The following TWSG1 variants were observed in gnomAD, a reference collection of about 807,000 sequenced individuals.
TWSG1 encodes twisted gastrulation BMP signaling modulator 1.
In TWSG1, 15 loss-of-function variants were observed where a neutral mutation model predicts 23.0. The ratio of observed to expected loss-of-function variants is 0.65; its 90% confidence interval spans 0.44 to 1.00. The LOEUF (loss-of-function observed/expected upper bound fraction) is 1.00, where lower values mean the gene tolerates loss of function less well. TWSG1 is among the 50% of genes least tolerant of loss of function. TWSG1 has a pLI of 0.00. For missense variants in TWSG1, 242 were observed against 278.7 expected, an observed-to-expected ratio of 0.87 and a Z score of 0.94; for synonymous variants, 86 against 92.8, an observed-to-expected ratio of 0.93 and a Z score of 0.42.
At chr18:9,393,358 G>C (rs760790907) in intron 3 of TWSG1, among the ~76,000 whole-genome samples, 1 of 152,212 alleles carries the variant, frequency 6.6e-6, no homozygotes, top group Admixed American at 6.5e-5. Context: ...TAGCTCCCAA[G>C]TCTGCCTTTG....
intron 2 of TWSG1, among the ~76,000 whole-genome samples, chr18:9,337,865 G>C (rs2040429792): frequency 6.6e-6 from 1 of 152,180 alleles, no homozygotes; most frequent in Non-Finnish European, 1.5e-5. Flanking sequence ...CTGTGGCTTA[G>C]GGTCTCCCAC....
In TWSG1 at chr18:9,396,562, T is replaced by C; in HGVS notation, c.490+16T>C. 6.2e-7 allele frequency: 1 copy of C among 1,605,776 alleles called. No homozygotes were observed. The highest frequency in any genetic ancestry group is 8.5e-7 in the Non-Finnish European group (1 of 1,178,454). Reference sequence around the variant, plus strand: ...AGTGACAAAGGTAACTGCCAACAGTTGACTTTTTCCATTCCGCCCCCTCAT... The same window carrying C: ...AGTGACAAAGGTAACTGCCAACAGTCGACTTTTTCCATTCCGCCCCCTCAT... On this transcript the variant is annotated intron_variant, in intron 4 of 4. Coordinates refer to ENST00000262120, the MANE Select transcript of TWSG1 (RefSeq NM_020648.6).
At chr18:9,376,365 G>A (rs1343982314) in intron 3 of TWSG1, among the ~76,000 whole-genome samples, 1 of 152,194 alleles carries the variant, frequency 6.6e-6, no homozygotes, top group Non-Finnish European at 1.5e-5. Flanking sequence ...TTGGAGGACT[G>A]ATACTACTGG....
intron 3 of TWSG1, among the ~76,000 whole-genome samples, chr18:9,386,670 G>A (rs1455524174): frequency 6.6e-6 from 1 of 152,086 alleles, no homozygotes; most frequent in African/African-American, 2.4e-5. Flanking sequence ...GAGTCCTTAG[G>A]TTGAAAGAGC....
intron 2 of TWSG1, among the ~76,000 whole-genome samples, chr18:9,342,595 C>G (rs979950037): frequency 6.6e-6 from 1 of 151,982 alleles, no homozygotes; most frequent in African/African-American, 2.4e-5. Context: ...TCATTAGCAC[C>G]TTATATTGTT....
At chr18:9,363,189 T>C (rs1311451636) in intron 3 of TWSG1, among the ~76,000 whole-genome samples, 1 of 152,204 alleles carries the variant, frequency 6.6e-6, no homozygotes, top group Non-Finnish European at 1.5e-5. Context: ...GTGGCTCCCT[T>C]GTATAAGAGC....
intron 2 of TWSG1, among the ~76,000 whole-genome samples, chr18:9,347,261 G>C (rs1209812543): frequency 6.6e-6 from 1 of 152,150 alleles, no homozygotes; most frequent in Non-Finnish European, 1.5e-5. Context: ...TTTTCTCCTA[G>C]TCTATGGCTT....
intron 2 of TWSG1, among the ~76,000 whole-genome samples, chr18:9,340,653 G>A (rs765874104): frequency 1.3e-5 from 2 of 152,132 alleles, no homozygotes; most frequent in South Asian, 4.1e-4. Flanking sequence ...AGGGCTCTGC[G>A]GAAGAGTTCA....
At chr18:9,395,364 A>G (rs940831374) in intron 3 of TWSG1, among the ~76,000 whole-genome samples, 3 of 152,228 alleles carry the variant, frequency 2.0e-5, no homozygotes, top group Non-Finnish European at 2.9e-5. Context: ...ATACATCAGT[A>G]TATTCTTATC....
chr18:9,365,410 C>T (rs1332214477), intron 3 of TWSG1, among the ~76,000 whole-genome samples: 9 of 152,150 alleles, frequency 5.9e-5, no homozygotes, highest in East Asian at 3.8e-4. Context: ...CGCAGTTGCT[C>T]GTGCCTATAA....
intron 2 of TWSG1, among the ~76,000 whole-genome samples, chr18:9,341,685 C>T (rs1194999835): frequency 2.6e-5 from 4 of 152,108 alleles, no homozygotes; most frequent in Non-Finnish European, 5.9e-5. Context: ...GTTATTTTTT[C>T]AATTTCTTCA....
intron 2 of TWSG1, among the ~76,000 whole-genome samples, chr18:9,340,196 G>A (rs1399366815): frequency 6.6e-6 from 1 of 151,820 alleles, no homozygotes; most frequent in East Asian, 1.9e-4. Context: ...GTGAAACCCC[G>A]TCTCTACTAA....
intron 3 of TWSG1, among the ~76,000 whole-genome samples, chr18:9,377,420 T>C (rs1465266429): frequency 6.6e-6 from 1 of 150,824 alleles, no homozygotes; most frequent in Non-Finnish European, 1.5e-5. Context: ...GGTTTCACCA[T>C]GTTGGCCAGG....
chr18:9,366,414 CTG>C (rs1339866781), intron 3 of TWSG1, among the ~76,000 whole-genome samples: 1 of 152,238 alleles, frequency 6.6e-6, no homozygotes. Context: ...TCAGACAGCT[CTG>C]TGCTGGGAAC....
At chr18:9,371,555 A>G (rs2040605355) in intron 3 of TWSG1, among the ~76,000 whole-genome samples, 1 of 152,094 alleles carries the variant, frequency 6.6e-6, no homozygotes, top group African/African-American at 2.4e-5. Flanking sequence ...TTGGCCTCCC[A>G]AAGTACTGGG....
Position 9,337,240 on chromosome 18 carries a change from A to G in TWSG1, c.11A>G (p.His4Arg), listed in dbSNP as rs763660567. MKL[H>R]YVAVLTLAIL... ...CTTCTTTGAAGAAACATGAAGTTAC[A>G]CTATGTTGCTGTGCTTACTCTAGCC... The change falls in exon 2 of 5, where the codon CAC (histidine) becomes CGC (arginine). Residue 4 changes from histidine (H) to arginine (R), a missense_variant. His to Arg is a conservative substitution (Grantham distance 29). Coordinates refer to ENST00000262120, the MANE Select transcript of TWSG1 (RefSeq NM_020648.6). 2 of 1,611,890 alleles carry G rather than the reference A, an allele frequency of 1.2e-6. No homozygotes were observed. The highest frequency in any genetic ancestry group is 8.5e-7 in the Non-Finnish European group (1 of 1,179,974).
At chr18:9,355,283 G>T (rs2040520931) in intron 2 of TWSG1, among the ~76,000 whole-genome samples, 1 of 152,150 alleles carries the variant, frequency 6.6e-6, no homozygotes, top group Non-Finnish European at 1.5e-5. Context: ...GTGTTCTGAA[G>T]AACAGATTCT....
At chr18:9,379,632 A>T (rs974940032) in intron 3 of TWSG1, among the ~76,000 whole-genome samples, 1 of 152,184 alleles carries the variant, frequency 6.6e-6, no homozygotes, top group Non-Finnish European at 1.5e-5. Context: ...TATCTATATA[A>T]CAAACCTGCA....
At chr18:9,355,356 G>A (rs2040521542) in intron 2 of TWSG1, among the ~76,000 whole-genome samples, 1 of 152,222 alleles carries the variant, frequency 6.6e-6, no homozygotes, top group South Asian at 2.1e-4. Flanking sequence ...ACAGAGAGTT[G>A]TTCTGAGTTG....
Sources: allele counts gnomAD v4.1 joint callset (sites outside exome capture counted in the v4.1 genomes callset), GRCh38; gene constraint gnomAD v4.1.1; transcripts MANE v1.5; gene names NCBI Gene and HGNC (gene_info 2026-07-23, HGNC 2026-07-21).